ASPH: variants seen among roughly 807,000 people sequenced by gnomAD.
ASPH encodes aspartate beta-hydroxylase, also known as aspartyl/asparaginyl beta-hydroxylase.
A neutral mutation model predicts 118.4 loss-of-function variants in ASPH; 100 were observed. That is an observed-to-expected ratio of 0.84 (90% CI 0.72 to 1.00). ASPH has a LOEUF of 1.00. Among genes scored for constraint, ASPH ranks in the 50% least tolerant of loss-of-function variants. ASPH has a pLI of 0.00. For synonymous variants in ASPH, 315 were observed against 325.6 expected (o/e 0.97, Z 0.35); for missense variants, 920 against 919.5 (o/e 1.00, Z -0.01).
At chr8:61,554,237 T>C (rs79322156) in intron 19 of ASPH, among the ~76,000 whole-genome samples, 37,512 of 152,202 alleles carry the variant, frequency 0.25, 7,371 homozygotes, top group African/African-American at 0.55. Context: ...GGGGGATCAC[T>C]GCTTGTCTGT....
At chr8:61,504,206 C>G (rs1805561707) in intron 24 of ASPH, among the ~76,000 whole-genome samples, 1 of 152,146 alleles carries the variant, frequency 6.6e-6, no homozygotes, top group African/African-American at 2.4e-5. Flanking sequence ...GAGAAACATA[C>G]AGGAGGCAGT....
At chr8:61,591,590 A>G (rs1456015033) in intron 14 of ASPH, among the ~76,000 whole-genome samples, 1 of 152,192 alleles carries the variant, frequency 6.6e-6, no homozygotes, top group Non-Finnish European at 1.5e-5. Context: ...TTAGAATAAC[A>G]AAAACTTCCC....
At chr8:61,677,653 AC>A (rs1417014775) in intron 3 of ASPH, among the ~76,000 whole-genome samples, 2 of 152,190 alleles carry the variant, frequency 1.3e-5, no homozygotes, top group Admixed American at 1.3e-4. Flanking sequence ...TTACTTTTTG[AC>A]AAGCCTAGAA....
At chr8:61,673,808 A>G (rs1213130736) in intron 3 of ASPH, among the ~76,000 whole-genome samples, 1 of 151,956 alleles carries the variant, frequency 6.6e-6, no homozygotes, top group Non-Finnish European at 1.5e-5. Context: ...AAATACCTTT[A>G]TTTTATCTCT....
At chr8:61,686,145 T>C (rs1390813238) in intron 1 of ASPH, among the ~76,000 whole-genome samples, 3 of 152,212 alleles carry the variant, frequency 2.0e-5, no homozygotes, top group Non-Finnish European at 4.4e-5. Context: ...TAAAGTATGC[T>C]TACCAAATGA....
chr8:61,539,538 C>G (rs1014449685), intron 21 of ASPH, among the ~76,000 whole-genome samples: 3 of 152,204 alleles, frequency 2.0e-5, no homozygotes, highest in Non-Finnish European at 4.4e-5. Flanking sequence ...CGTTACTTCT[C>G]CCCACTCCTG....
At chr8:61,614,743 G>C (rs893015797) in intron 14 of ASPH, among the ~76,000 whole-genome samples, 4 of 152,032 alleles carry the variant, frequency 2.6e-5, no homozygotes, top group Non-Finnish European at 5.9e-5. Flanking sequence ...CCTCCCCTTG[G>C]CCTTCCAAAG....
At chr8:61,703,366 T>C (rs994844158) in intron 1 of ASPH, among the ~76,000 whole-genome samples, 3 of 152,112 alleles carry the variant, frequency 2.0e-5, no homozygotes. Context: ...GATATTTACA[T>C]AGAAAATCCC....
chr8:61,637,730 T>C (rs1858481664), intron 12 of ASPH, among the ~76,000 whole-genome samples: 1 of 152,184 alleles, frequency 6.6e-6, no homozygotes, highest in Non-Finnish European at 1.5e-5. Context: ...ATCACTATCA[T>C]TGTACTTCTC....
At chr8:61,580,106 G>A (rs945104282) in intron 15 of ASPH, among the ~76,000 whole-genome samples, 1 of 152,114 alleles carries the variant, frequency 6.6e-6, no homozygotes, top group Admixed American at 6.5e-5. Context: ...CTCCACCCCT[G>A]TGGCTTTGCA....
At chr8:61,697,923 T>C (rs1423920652) in intron 1 of ASPH, among the ~76,000 whole-genome samples, 2 of 151,894 alleles carry the variant, frequency 1.3e-5, no homozygotes, top group African/African-American at 2.4e-5. Context: ...CCTGAGTAGC[T>C]GGGACCACAG....
At position 61,662,083 on chromosome 8, in the gene ASPH, T is replaced by C. The variant is rs115108109; in HGVS notation, c.323-8423A>G. ...CAAATGACCAAAAATTTGATGATGA[T>C]GTAAGTGCTTCAAAAGGAAGTATCT... On this transcript the variant is annotated intron_variant, in intron 3 of 24. Transcript: ENST00000379454. Among the ~76,000 whole-genome samples the C allele has an allele frequency of 7.0e-3, 1,059 of 152,234 alleles. 15 individuals are homozygous for C. The highest frequency in any genetic ancestry group is 0.024 in the African/African-American group (996 of 41,550).
chr8:61,515,554 A>G (rs1810592431), intron 24 of ASPH, among the ~76,000 whole-genome samples: 1 of 152,134 alleles, frequency 6.6e-6, no homozygotes, highest in African/African-American at 2.4e-5. Flanking sequence ...GAAGTTCCTG[A>G]TAAGTCTGAC....
chr8:61,680,859 G>C (rs747865138), intron 3 of ASPH, 109 bp downstream of exon 3: 3 of 846,852 alleles, frequency 3.5e-6, no homozygotes, highest in Non-Finnish European at 5.2e-6. Context: ...ATTTAAGGGA[G>C]AAAAGTCTCC....
At chr8:61,699,263 T>A (rs542006862) in intron 1 of ASPH, among the ~76,000 whole-genome samples, 1 of 152,364 alleles carries the variant, frequency 6.6e-6, no homozygotes, top group South Asian at 2.1e-4. Flanking sequence ...GAAGTCTGAC[T>A]TTTCCTACAT....
chr8:61,594,270 T>G (rs1249640523), intron 14 of ASPH, among the ~76,000 whole-genome samples: 1 of 152,254 alleles, frequency 6.6e-6, no homozygotes, highest in South Asian at 2.1e-4. Flanking sequence ...TTTAAAATGC[T>G]TTAGAAAATA....
chr8:61,649,810 G>A (rs1376863723), intron 5 of ASPH, among the ~76,000 whole-genome samples: 2 of 152,118 alleles, frequency 1.3e-5, no homozygotes, highest in African/African-American at 4.8e-5. Flanking sequence ...CATTTTTCAT[G>A]CTACAGACAG....
chr8:61,605,519 T>C (rs1026880004), intron 14 of ASPH, among the ~76,000 whole-genome samples: 1 of 152,216 alleles, frequency 6.6e-6, no homozygotes, highest in Non-Finnish European at 1.5e-5. Flanking sequence ...TTGGTAAAGC[T>C]GATTAACACT....
chr8:61,528,107 C>T (rs527817795), intron 21 of ASPH, among the ~76,000 whole-genome samples: 106 of 152,270 alleles, frequency 7.0e-4, no homozygotes, highest in Admixed American at 1.4e-3. Context: ...TGGCGTTGTC[C>T]TGGTCATTTA....
Sources: allele counts gnomAD v4.1 joint callset (sites outside exome capture counted in the v4.1 genomes callset), GRCh38; gene constraint gnomAD v4.1.1; transcripts MANE v1.5; gene names NCBI Gene and HGNC (gene_info 2026-07-23, HGNC 2026-07-21).